MICAL3: variants seen among roughly 807,000 people sequenced by gnomAD.
MICAL3 encodes [F-actin]-monooxygenase MICAL3.
MICAL3 carries 62 observed loss-of-function variants against 207.4 expected under a neutral mutation model. That is an observed-to-expected ratio of 0.30 (90% CI 0.24 to 0.37). MICAL3 has a LOEUF of 0.37. MICAL3 is among the 10% of genes least tolerant of loss of function. MICAL3 has a pLI of 1.00. For missense variants in MICAL3, 2,368 were observed against 2,635.6 expected (o/e 0.90, Z 2.22); for synonymous variants, 1,077 against 1,069.3 (o/e 1.01, Z -0.14).
chr22:17,976,561 GTATATATATATA>G (rs751076102), intron 1 of MICAL3, among the ~76,000 whole-genome samples: 3 of 80,078 alleles, frequency 3.7e-5, no homozygotes, highest in African/African-American at 1.7e-4. Flanking sequence ...GTGTGTGTGT[GTATATATATATA>G]TATATATATA....
chr22:17,841,573 T>C lies in MICAL3; in HGVS notation c.2801+249A>G. The C allele has an allele frequency of 8.7e-6, 5 of 572,078 alleles. No homozygotes were observed. The highest frequency in any genetic ancestry group is 1.6e-5 in the Non-Finnish European group (5 of 320,372). The allele number at this position is 572,078 out of a possible 1,614,324, so 35.4% of individuals were successfully genotyped here. ...GCCACTTTCCTTCCCAATGACAGAC[T>C]TGGAGCTGGGGACATGTCAGGTCCT... On this transcript the variant is annotated intron_variant, in intron 20 of 31. Transcript: ENST00000441493. This position sits in a 1 kb window ranked among gnomAD's most constrained non-coding sequence, Gnocchi z 4.2.
chr22:17,796,205 G>A lies in MICAL3; in HGVS notation c.5651-4904C>T, dbSNP rs758788664. 2.4e-4 allele frequency among the ~76,000 whole-genome samples: 37 copies of A among 152,202 alleles called. No homozygotes were observed. The highest frequency in any genetic ancestry group is 5.3e-4 in the Non-Finnish European group (36 of 68,036). ...GCACTCTGCTGCGTCTCCAACACTC[G>A]GGGGCACATCTGCTCCATCTTTCCC... On this transcript the variant is annotated intron_variant, in intron 29 of 31. Transcript: ENST00000441493. This position sits in a 1 kb window ranked among gnomAD's most constrained non-coding sequence, Gnocchi z 4.4.
rs9605465 is a variant in MICAL3, at chr22:17,978,065, T to A, written c.-75+46216A>T. ...AATAAAATAAAATAAAATAAAAAAATATACACCTACACAAAAACTTGCACA... is the reference window on the plus strand; with the variant it reads ...AATAAAATAAAATAAAATAAAAAAAAATACACCTACACAAAAACTTGCACA... On this transcript the variant is annotated intron_variant, in intron 1 of 31. Transcript: ENST00000441493. Among the ~76,000 whole-genome samples the A allele has an allele frequency of 5.6e-3, 467 of 82,806 alleles. 2 individuals are homozygous for A. Among genetic ancestry groups the A allele is most frequent in the Non-Finnish European group, 9.7e-3 (370 of 38,108 alleles). 54.3% of individuals were successfully genotyped at this position (82,806 alleles called of 152,430 possible). A position where few individuals can be genotyped will look rare whatever the true frequency, so the allele number is the denominator to read the frequency against.
At position 17,799,916 on chromosome 22, in the gene MICAL3, C is replaced by CAT. The variant is rs536241450; in HGVS notation, c.5651-8616_5651-8615insAT. On this transcript the variant is annotated intron_variant, in intron 29 of 31. Coordinates refer to ENST00000441493, the MANE Select transcript of MICAL3 (RefSeq NM_015241.3). Reference sequence around the variant, plus strand: ...TTACAATCTAAAACACACAAACACACACACACACGCGCGCTGGGAAACCTC... The same window carrying CAT: ...TTACAATCTAAAACACACAAACACACATACACACACGCGCGCTGGGAAACCTC... Among the ~76,000 whole-genome samples, 590 of 150,850 alleles carry CAT rather than the reference C, an allele frequency of 3.9e-3. 3 individuals are homozygous for CAT. The highest frequency in any genetic ancestry group is 0.013 in the African/African-American group (545 of 40,656).
At chr22:17,951,184 A>G in intron 1 of MICAL3, among the ~76,000 whole-genome samples, 1 of 152,310 alleles carries the variant, frequency 6.6e-6, no homozygotes, top group South Asian at 2.1e-4. Flanking sequence ...CTGTAAGGAA[A>G]GGTCACCCGC....
chr22:17,847,021 G>A (rs1277946167), intron 19 of MICAL3, among the ~76,000 whole-genome samples: 2 of 152,248 alleles, frequency 1.3e-5, no homozygotes, highest in Non-Finnish European at 2.9e-5. Flanking sequence ...TGCTGGGCAA[G>A]AGCTGGCAGG....
At chr22:17,923,574 C>A (rs1932848004) in intron 1 of MICAL3, among the ~76,000 whole-genome samples, 1 of 152,254 alleles carries the variant, frequency 6.6e-6, no homozygotes, top group Admixed American at 6.5e-5. Context: ...CTGCTGGGGC[C>A]CAGTGGCAGT....
intron 1 of MICAL3, among the ~76,000 whole-genome samples, chr22:17,921,552 G>A (rs555337200): frequency 1.8e-4 from 27 of 152,260 alleles, no homozygotes; most frequent in South Asian, 1.2e-3. Context: ...GCAGTGGTGC[G>A]ATCTCAGCTC....
Position 17,794,490 on chromosome 22 carries a change from G to A in MICAL3, c.5651-3189C>T, listed in dbSNP as rs904761282. ...CCATCCGGTGACGGGCCTCCAGGAC[G>A]CTCACACCTGCGCTCCTTCAAATTC... On this transcript the variant is annotated intron_variant, in intron 29 of 31. Coordinates refer to ENST00000441493, the MANE Select transcript of MICAL3 (RefSeq NM_015241.3). Among the ~76,000 whole-genome samples, 4 of 152,238 alleles carry A rather than the reference G, an allele frequency of 2.6e-5. No individual in the cohort carries two copies. The South Asian group carries it at 8.3e-4, about 31-fold the overall frequency.
At chr22:18,020,458 C>T (rs888296565) in intron 1 of MICAL3, among the ~76,000 whole-genome samples, 16 of 151,210 alleles carry the variant, frequency 1.1e-4, no homozygotes, top group South Asian at 4.2e-4. Context: ...AGAGTTTTAT[C>T]GGCATTAATT....
At chr22:17,938,392 C>T (rs755616610) in intron 1 of MICAL3, among the ~76,000 whole-genome samples, 5 of 152,178 alleles carry the variant, frequency 3.3e-5, no homozygotes, top group East Asian at 3.8e-4. Context: ...GCTGGACATA[C>T]GGCCAAGCTC....
At chr22:18,016,894 T>C (rs1270003599) in intron 1 of MICAL3, among the ~76,000 whole-genome samples, 1 of 151,482 alleles carries the variant, frequency 6.6e-6, no homozygotes, top group African/African-American at 2.4e-5. Flanking sequence ...GAACCAAGAT[T>C]GCTTCACTGC....
At chr22:17,861,927 G>GT (rs1465894136) in intron 19 of MICAL3, 4 of 985,194 alleles carry the variant, frequency 4.1e-6, no homozygotes, top group East Asian at 1.1e-4. Context: ...GTGTGGGTGT[G>GT]TTTTTTTGTT....
rs1427032038 is a variant in MICAL3, at chr22:17,877,117, GGGAGGTTAT to G, written c.2242-5103_2242-5095del. On this transcript the variant is annotated intron_variant, in intron 16 of 31. Transcript: ENST00000441493. ...GAGGTTAGGGAGGTTATGGAGGTTA[GGGAGGTTAT>G]GGAGGTTAGGGAGGTTATGGAGGTT... 3.6e-3 allele frequency among the ~76,000 whole-genome samples: 391 copies of G among 108,594 alleles called. 2 individuals are homozygous for G. The highest frequency in any genetic ancestry group is 5.4e-3 in the Non-Finnish European group (277 of 51,670). The allele number at this position is 108,594 out of a possible 152,430, so 71.2% of individuals were successfully genotyped here.
Position 17,895,337 on chromosome 22 carries a change from C to T in MICAL3, c.1396G>A (p.Asp466Asn), listed in dbSNP as rs757158946. The part of the protein sequence containing the change: ...VSKNFSQYSI[D>N]PVTRYPNINV... ...ATATTGGGATACCGAGTGACAGGGT[C>T]GATACTGTACTGGCTGAAGTTCTTA... is the stretch of plus-strand genomic sequence containing the variant. The change falls in exon 10 of 32, where the codon GAC becomes AAC. Residue 466 changes from aspartate to asparagine, a missense_variant. This residue lies in a region of MICAL3 where 147 missense variants were observed against 137.7 expected (regional missense o/e 1.07). Transcript: ENST00000441493. 9.9e-6 allele frequency: 16 copies of T among 1,613,658 alleles called. No homozygotes were observed. Among genetic ancestry groups the T allele is most frequent in the East Asian group, 8.9e-5 (4 of 44,872 alleles).
intron 1 of MICAL3, among the ~76,000 whole-genome samples, chr22:18,014,976 G>T (rs1923963663): frequency 6.8e-6 from 1 of 146,316 alleles, no homozygotes; most frequent in Non-Finnish European, 1.5e-5. Flanking sequence ...GACAGAGTGA[G>T]ACTCCATCTC....
At position 17,841,968 on chromosome 22, in the gene MICAL3, C is replaced by T; in HGVS notation, c.2655G>A (p.Arg885=). 1 of 1,607,084 alleles carries T rather than the reference C, an allele frequency of 6.2e-7. No homozygotes were observed. The highest frequency in any genetic ancestry group is 8.5e-7 in the Non-Finnish European group (1 of 1,179,310). ...LEEPSIAKRL[R]GTPERIELEN... is the part of the protein sequence containing the mutation. ...CCAGCTCGATCCGCTCTGGGGTGCC[C>T]CTCAGTCGCTTGGCGATGCTGGGCT... Residue 885 remains arginine (R), a synonymous_variant, in exon 20 of 32, where the codon AGG becomes AGA. Transcript: ENST00000441493. This position sits in a 1 kb window ranked among gnomAD's most constrained non-coding sequence, Gnocchi z 4.2.
Position 17,808,849 on chromosome 22 carries a change from T to C in MICAL3, c.5645A>G (p.Glu1882Gly). The stretch of plus-strand genomic sequence containing the variant: ...AGGAGGGAGCCCGGCAGTACCTGCT[T>C]CGCCCCGGAGCGCCTTCTCCACAGC... Reference protein sequence around the residue: ...GVAVEKALRGEAGMGKKDDPK... With the variant: ...GVAVEKALRGGAGMGKKDDPK... Residue 1882 changes from glutamate (E) to glycine (G), a missense_variant, in exon 29 of 32, where the codon GAA becomes GGA. Physicochemically the swap from Glu to Gly is moderately conservative, Grantham distance 98. This residue lies in a region of MICAL3 where 1,770 missense variants were observed against 1,863.2 expected (regional missense o/e 0.95). Transcript: ENST00000441493. 6.4e-7 allele frequency: 1 copy of C among 1,552,288 alleles called. No individual in the cohort carries two copies. The highest frequency in any genetic ancestry group is 8.7e-7 in the Non-Finnish European group (1 of 1,147,632).
intron 1 of MICAL3, chr22:18,001,376 C>G (rs1330297946): frequency 6.6e-6 from 1 of 152,236 alleles, no homozygotes; most frequent in African/African-American, 2.4e-5. Flanking sequence ...GTCGGAGTCC[C>G]GAAGCCCCGT....
Sources: allele counts gnomAD v4.1 joint callset (sites outside exome capture counted in the v4.1 genomes callset), GRCh38; gene constraint gnomAD v4.1.1; regional missense constraint gnomAD v4.1.1; non-coding constraint Gnocchi (gnomAD v3.1); transcripts MANE v1.5; gene names NCBI Gene and HGNC (gene_info 2026-07-23, HGNC 2026-07-21).